ZFYVE26: variants seen among roughly 807,000 people sequenced by gnomAD.
ZFYVE26 encodes zinc finger FYVE domain-containing protein 26.
ZFYVE26 carries 181 observed loss-of-function variants against 276.5 expected under a neutral mutation model. The observed-to-expected ratio is 0.65, with a 90% CI of 0.58 to 0.74. The LOEUF is 0.74. Ranked by LOEUF, ZFYVE26 falls within the 30% of genes least tolerant of loss-of-function variation. The pLI, the probability that ZFYVE26 is intolerant of heterozygous loss-of-function variation, is 0.00. For synonymous variants in ZFYVE26, 1,129 were observed against 1,203.1 expected (o/e 0.94, Z 1.27); for missense variants, 2,821 against 3,097.9 (o/e 0.91, Z 2.12).
At chr14:67,734,283 C>T (rs1255395184) in intron 13 of ZFYVE26, 3 of 196,944 alleles carry the variant, frequency 1.5e-5, no homozygotes, top group Non-Finnish European at 2.1e-5. Flanking sequence ...ATATTTGCCA[C>T]CACCCTGGAG....
At position 67,767,809 on chromosome 14, in the gene ZFYVE26, T is replaced by C. The variant is rs1176271187; in HGVS notation, c.5685A>G (p.Pro1895=). The change falls in exon 31 of 42, where the codon CCA becomes CCG. Residue 1895 remains proline, a synonymous_variant. Coordinates refer to ENST00000347230, the MANE Select transcript of ZFYVE26 (RefSeq NM_015346.4). The part of the protein sequence containing the change: ...ALDSSKNESP[P]YSFVVRVPKA... ...TGGGGACTCTCACCACAAACGAGTA[T>C]GGAGGGCTTTCATTCTTGGAGCTGT... The C allele has an allele frequency of 2.5e-6, 4 of 1,614,176 alleles. No individual in the cohort carries two copies. Among genetic ancestry groups the C allele is most frequent in the Non-Finnish European group, 3.4e-6 (4 of 1,180,040 alleles).
chr14:67,731,727 A>G (rs942329904), intron 13 of ZFYVE26, among the ~76,000 whole-genome samples: 1 of 152,190 alleles, frequency 6.6e-6, no homozygotes, highest in African/African-American at 2.4e-5. Flanking sequence ...GTCTGGAGGG[A>G]TAACCAGCCA....
chr14:67,744,390 A>AT (rs1293601224), downstream of ZFYVE26, among the ~76,000 whole-genome samples: 15 of 152,046 alleles, frequency 9.9e-5, no homozygotes, highest in African/African-American at 3.6e-4. Context: ...ATCTTTTTTA[A>AT]TTTTTAAATT....
rs928565858 is a variant in ZFYVE26 at position 67,735,241 on chromosome 14, A to G, written n.2680-5422T>C. Reference sequence around the variant, plus strand: ...CGTGGTGTTCAGGTGCTCCCACGAGACACAGCCTCCCTCAGCACTACTCCT... The same window carrying G: ...CGTGGTGTTCAGGTGCTCCCACGAGGCACAGCCTCCCTCAGCACTACTCCT... On this transcript the variant is annotated intron_variant and non_coding_transcript_variant, in intron 13 of 14. Transcript: ENST00000394455. 30 of 1,378,022 alleles carry G rather than the reference A, an allele frequency of 2.2e-5. No homozygotes were observed. In the African/African-American group the frequency reaches 4.0e-4, roughly 18 times the overall value. 85.4% of individuals were successfully genotyped at this position (1,378,022 alleles called of 1,614,324 possible).
At chr14:67,801,197 G>A (rs1247958765) in intron 10 of ZFYVE26, among the ~76,000 whole-genome samples, 1 of 151,842 alleles carries the variant, frequency 6.6e-6, no homozygotes, top group African/African-American at 2.4e-5. Flanking sequence ...GTTGCAGTGA[G>A]CTGAGATCAA....
chr14:67,811,528 A>G (rs899297135), intron 3 of ZFYVE26, among the ~76,000 whole-genome samples: 1 of 152,192 alleles, frequency 6.6e-6, no homozygotes, highest in Non-Finnish European at 1.5e-5. Flanking sequence ...TGAGGTCAGA[A>G]GATTTTGGTT....
intron 20 of ZFYVE26, 29 bp from the exon 21 acceptor site, chr14:67,783,554 A>G: frequency 6.2e-7 from 1 of 1,608,490 alleles, no homozygotes; most frequent in Non-Finnish European, 8.5e-7. Flanking sequence ...AAAGCATACA[A>G]GGCCTGAATA....
At chr14:67,755,881 G>A (rs1407160391) in intron 36 of ZFYVE26, 67 bp downstream of exon 36, 2 of 1,580,746 alleles carry the variant, frequency 1.3e-6, no homozygotes, top group South Asian at 2.2e-5. Context: ...CCCTCATCGT[G>A]CACTGCCTCT....
intron 13 of ZFYVE26, 90 bp from the exon 14 acceptor site, chr14:67,793,849 TC>T: frequency 6.5e-7 from 1 of 1,542,132 alleles, no homozygotes; most frequent in Non-Finnish European, 8.9e-7. Flanking sequence ...AACTTTTATC[TC>T]CTCAATGTCC....
intron 10 of ZFYVE26, among the ~76,000 whole-genome samples, chr14:67,800,859 G>A (rs1834771228): frequency 6.6e-6 from 1 of 151,734 alleles, no homozygotes; most frequent in Admixed American, 6.6e-5. Flanking sequence ...TTTAATGCAG[G>A]TTGTTTGAAG....
intron 35 of ZFYVE26, among the ~76,000 whole-genome samples, chr14:67,759,160 G>C (rs139973030): frequency 0.029 from 4,271 of 149,634 alleles, 96 homozygotes; most frequent in East Asian, 0.065. Flanking sequence ...CAGGAGAAGG[G>C]TGTGAACCCA....
chr14:67,731,207 C>CTTTTTTTT (rs71129853), intron 13 of ZFYVE26, among the ~76,000 whole-genome samples: 69 of 90,590 alleles, frequency 7.6e-4, no homozygotes, highest in African/African-American at 3.1e-3. Context: ...TTCTTTCTTT[C>CTTTTTTTT]TTTTTTTTTT....
rs771792750 is a variant in ZFYVE26 at position 67,736,776 on chromosome 14, T to C, written n.2680-6957A>G. Reference sequence around the variant, plus strand: ...CACAGCAAATTTATTAGGAGGACTGTTAGGATTGGTATCTATAGGGGAGTG... The same window carrying C: ...CACAGCAAATTTATTAGGAGGACTGCTAGGATTGGTATCTATAGGGGAGTG... On this transcript the variant is annotated intron_variant and non_coding_transcript_variant, in intron 13 of 14. Transcript: ENST00000394455. Among the ~76,000 whole-genome samples, 3 of 152,150 alleles carry C rather than the reference T, an allele frequency of 2.0e-5. No individual in the cohort carries two copies. The South Asian group carries it at 6.2e-4, about 32-fold the overall frequency.
intron 35 of ZFYVE26, among the ~76,000 whole-genome samples, chr14:67,759,266 AG>A (rs1367179901): frequency 4.1e-5 from 6 of 147,484 alleles, no homozygotes; most frequent in African/African-American, 9.9e-5. Flanking sequence ...AAAAAAAAAA[AG>A]GAAAACACAG....
rs771292996 is a variant in ZFYVE26, at chr14:67,729,428, G to A, written n.3071C>T. On this transcript the variant is annotated non_coding_transcript_exon_variant, in exon 14 of 15. Coordinates refer to the ZFYVE26 transcript ENST00000394455. ...TCTCCACCACCTGTGTGCATGGGAG[G>A]TGCCGGACTCGCTGGGCTGTTCATC... The A allele has an allele frequency of 1.2e-5, 18 of 1,560,402 alleles. No homozygotes were observed. The African/African-American group carries it at 1.5e-4, about 13-fold the overall frequency.
At chr14:67,744,311 T>C (rs866051110), downstream of ZFYVE26, among the ~76,000 whole-genome samples, 1 of 152,228 alleles carries the variant, frequency 6.6e-6, no homozygotes, top group Non-Finnish European at 1.5e-5. Context: ...TTGTGACATA[T>C]CTTTGTGCTA....
intron 35 of ZFYVE26, among the ~76,000 whole-genome samples, chr14:67,758,812 T>G (rs2038854060): frequency 6.6e-6 from 1 of 151,968 alleles, no homozygotes; most frequent in South Asian, 2.1e-4. Context: ...ATTTTTGTAG[T>G]TTTTAGTAAA....
Position 67,748,614 on chromosome 14 carries a change from T to C in ZFYVE26, c.7442A>G (p.Lys2481Arg), listed in dbSNP as rs1376021791. ...NKVRAYLICC[K>R]LRSAYLIAVK... The stretch of plus-strand genomic sequence containing the variant: ...AGCAATCAAGTAGGCAGAACGCAGT[T>C]TGCAACATATCAGGTAGGCCCGAAC... Residue 2481 changes from lysine to arginine, a missense_variant, in exon 42 of 42, where the codon AAA becomes AGA. Transcript: ENST00000347230. The C allele has an allele frequency of 1.2e-6, 2 of 1,614,108 alleles. No homozygotes were observed. The highest frequency in any genetic ancestry group is 1.7e-5 in the Admixed American group (1 of 60,034).
intron 37 of ZFYVE26, among the ~76,000 whole-genome samples, chr14:67,754,583 A>C (rs951903174): frequency 6.6e-6 from 1 of 152,264 alleles, no homozygotes; most frequent in Non-Finnish European, 1.5e-5. Context: ...ATAGTTAGCA[A>C]TTAAGCCTCT....
Sources: allele counts gnomAD v4.1 joint callset (sites outside exome capture counted in the v4.1 genomes callset), GRCh38; gene constraint gnomAD v4.1.1; transcripts MANE v1.5; gene names NCBI Gene and HGNC (gene_info 2026-07-23, HGNC 2026-07-21).